Variants in CCDC149 observed in about 807,000 individuals in gnomAD.
CCDC149 encodes coiled-coil domain-containing protein 149.
A neutral mutation model predicts 59.9 loss-of-function variants in CCDC149; 45 were observed. The ratio of observed to expected loss-of-function variants is 0.75; its 90% CI spans 0.59 to 0.96. The LOEUF (loss-of-function observed/expected upper bound fraction) is 0.96. Ranked by LOEUF, CCDC149 falls within the 40% of genes least tolerant of loss-of-function variation. The probability of loss-of-function intolerance (pLI) is 0.00; values close to 1 mark genes in which losing one functional copy is unlikely to be tolerated. For missense variants in CCDC149, 584 were observed against 664.7 expected, an observed-to-expected ratio of 0.88 and a Z score of 1.33; for synonymous variants, 245 against 260.6, an observed-to-expected ratio of 0.94 and a Z score of 0.58.
intron 1 of CCDC149, among the ~76,000 whole-genome samples, chr4:24,893,677 G>C (rs1213070218): frequency 7.2e-6 from 1 of 138,246 alleles, no homozygotes; most frequent in African/African-American, 2.7e-5. Context: ...AGTGGAACGG[G>C]GCAATCTCAA....
chr4:24,852,018 G>GT (rs1289498867), intron 4 of CCDC149, among the ~76,000 whole-genome samples: 2 of 151,732 alleles, frequency 1.3e-5, no homozygotes, highest in Admixed American at 1.3e-4. Context: ...AAGAAGCTGT[G>GT]TAAGGAAGGC....
intron 1 of CCDC149, among the ~76,000 whole-genome samples, chr4:24,947,519 T>C (rs1025668617): frequency 2.0e-5 from 3 of 152,250 alleles, no homozygotes; most frequent in Admixed American, 6.5e-5. Flanking sequence ...GACTAATACA[T>C]GTAGAGAACT....
At chr4:24,879,281 C>G (rs1049189922) in intron 1 of CCDC149, among the ~76,000 whole-genome samples, 3 of 151,496 alleles carry the variant, frequency 2.0e-5, no homozygotes, top group Admixed American at 6.6e-5. Context: ...TTTGGGAGGC[C>G]GAGGTGGGCA....
At chr4:24,840,591 T>C (rs1393476551) in intron 4 of CCDC149, among the ~76,000 whole-genome samples, 1 of 152,112 alleles carries the variant, frequency 6.6e-6, no homozygotes, top group Admixed American at 6.5e-5. Flanking sequence ...TTTCATGATC[T>C]AGTGAGCGTC....
chr4:24,825,978 C>A (rs1197134278), intron 9 of CCDC149, among the ~76,000 whole-genome samples: 1 of 151,798 alleles, frequency 6.6e-6, no homozygotes, highest in East Asian at 2.0e-4. Context: ...TTTTAAGAGA[C>A]GTAGTCTTAC....
At position 24,972,939 on chromosome 4, in the gene CCDC149, C is replaced by T. The variant is rs112573942; in HGVS notation, c.-65+7130G>A. ...GTCTAGCACTTTTTAAGGGTTTGAG[C>T]AGGAAACATTCACCATCTTTTGCCT... On this transcript the variant is annotated intron_variant, in intron 1 of 12. Coordinates refer to the CCDC149 transcript ENST00000389609. 6.1e-4 allele frequency among the ~76,000 whole-genome samples: 93 copies of T among 152,252 alleles called. 1 individual carries two copies. Among genetic ancestry groups the T allele is most frequent in the South Asian group, 4.1e-3 (20 of 4,820 alleles).
At chr4:24,867,960 C>A (rs766995001) in intron 3 of CCDC149, among the ~76,000 whole-genome samples, 1 of 152,214 alleles carries the variant, frequency 6.6e-6, no homozygotes, top group African/African-American at 2.4e-5. Flanking sequence ...CATCTCGTGA[C>A]CTCTGGTCAC....
intron 1 of CCDC149, among the ~76,000 whole-genome samples, chr4:24,963,074 T>C (rs911540564): frequency 7.2e-5 from 11 of 151,996 alleles, no homozygotes; most frequent in South Asian, 2.1e-4. Context: ...GGCAATACTT[T>C]CATTACTCCA....
chr4:24,977,547 T>A (rs1724258631), intron 1 of CCDC149, among the ~76,000 whole-genome samples: 1 of 152,194 alleles, frequency 6.6e-6, no homozygotes, highest in Non-Finnish European at 1.5e-5. Context: ...AACAAGCCTG[T>A]CTAGCTAATA....
intron 1 of CCDC149, among the ~76,000 whole-genome samples, chr4:24,930,073 G>A (rs1722543034): frequency 6.6e-6 from 1 of 152,140 alleles, no homozygotes; most frequent in South Asian, 2.1e-4. Flanking sequence ...CTTTTTCCTG[G>A]ACATACAGAC....
At position 24,856,305 on chromosome 4, in the gene CCDC149, C is replaced by T. The variant is rs186663093; in HGVS notation, c.265-3126G>A. 2.0e-3 allele frequency among the ~76,000 whole-genome samples: 303 copies of T among 152,328 alleles called. 2 individuals are homozygous for T. The highest frequency in any genetic ancestry group is 6.6e-3 in the African/African-American group (276 of 41,564). ...CCTGGAGATACAGCAGCAAACAATA[C>T]AGACAAAACCCTTGCCCTTAGAAAC... On this transcript the variant is annotated intron_variant, in intron 3 of 12. Coordinates refer to ENST00000635206, the MANE Select transcript of CCDC149 (RefSeq NM_001330643.2).
intron 1 of CCDC149, among the ~76,000 whole-genome samples, chr4:24,964,738 A>G (rs1723745599): frequency 6.6e-6 from 1 of 152,224 alleles, no homozygotes; most frequent in African/African-American, 2.4e-5. Context: ...AGCTAAGGGA[A>G]TCCCAAATAC....
chr4:24,803,986 A>G (rs1054879098), downstream of CCDC149, among the ~76,000 whole-genome samples: 6 of 152,110 alleles, frequency 3.9e-5, no homozygotes, highest in African/African-American at 1.4e-4. This position sits in a 1 kb window ranked among gnomAD's most constrained non-coding sequence, Gnocchi z 4.3. Flanking sequence ...GGAGCTCCCA[A>G]TTGCATCTCT....
intron 1 of CCDC149, among the ~76,000 whole-genome samples, chr4:24,887,363 C>A (rs141571993): frequency 1.6e-3 from 244 of 152,148 alleles, no homozygotes; most frequent in African/African-American, 5.6e-3. Flanking sequence ...TGGGATCAGT[C>A]TAGCTCTCAT....
intron 1 of CCDC149, among the ~76,000 whole-genome samples, chr4:24,966,351 G>A (rs71610835): frequency 0.01 from 1,552 of 152,198 alleles, 12 homozygotes; most frequent in Non-Finnish European, 0.015. Context: ...GATGATGAAC[G>A]TGTCACCTCC....
intron 4 of CCDC149, among the ~76,000 whole-genome samples, chr4:24,843,774 G>A (rs1338801829): frequency 1.3e-5 from 2 of 152,222 alleles, no homozygotes; most frequent in Non-Finnish European, 2.9e-5. Flanking sequence ...ACCACTGACA[G>A]ATACCCCCAA....
At chr4:24,812,438 G>T (rs551081756) in intron 12 of CCDC149, among the ~76,000 whole-genome samples, 1 of 152,200 alleles carries the variant, frequency 6.6e-6, no homozygotes, top group Non-Finnish European at 1.5e-5. Flanking sequence ...CTCGCTTCTT[G>T]TAGAAGATAC....
chr4:24,948,184 T>G (rs1343979283), intron 1 of CCDC149, among the ~76,000 whole-genome samples: 1 of 152,188 alleles, frequency 6.6e-6, no homozygotes, highest in Non-Finnish European at 1.5e-5. Context: ...AGCGTGTGAC[T>G]CTGAAGTACA....
rs189186282 is a variant in CCDC149 at position 24,828,305 on chromosome 4, G to A, written c.965+3201C>T. On this transcript the variant is annotated intron_variant, in intron 9 of 12. Transcript: ENST00000635206. The stretch of plus-strand genomic sequence containing the variant: ...AAAAAAAAAAAGACAGTATATCTAT[G>A]TAAATATATGAGTATGTGTATATAC... 6.0e-5 allele frequency: 9 copies of A among 150,454 alleles called. No homozygotes were observed. The East Asian group carries it at 1.8e-3, about 29-fold the overall frequency. The allele number at this position is 150,454 out of a possible 1,614,324, so 9.3% of individuals were successfully genotyped here.
Sources: allele counts gnomAD v4.1 joint callset (sites outside exome capture counted in the v4.1 genomes callset), GRCh38; gene constraint gnomAD v4.1.1; non-coding constraint Gnocchi (gnomAD v3.1); transcripts MANE v1.5; gene names NCBI Gene and HGNC (gene_info 2026-07-23, HGNC 2026-07-21).